The following DLGAP2 variants were observed in gnomAD, a reference collection of about 807,000 sequenced individuals.
DLGAP2 encodes the protein DLG associated protein 2.
A neutral mutation model predicts 100.3 loss-of-function variants in DLGAP2; 26 were observed. The ratio of observed to expected loss-of-function variants is 0.26; its 90% CI spans 0.19 to 0.36. The LOEUF (loss-of-function observed/expected upper bound fraction) is 0.36, where lower values mean the gene tolerates loss of function less well. Among genes scored for constraint, DLGAP2 ranks in the 10% least tolerant of loss-of-function variants. The probability of loss-of-function intolerance (pLI) is 1.00; values close to 1 mark genes in which losing one functional copy is unlikely to be tolerated. For synonymous variants in DLGAP2, 886 were observed against 630.1 expected, an observed-to-expected ratio of 1.41 and a Z score of -6.08; for missense variants, 1,858 against 1,453.2, an observed-to-expected ratio of 1.28 and a Z score of -4.53.
chr8:857,673 A>G (rs972783824), intron 1 of DLGAP2, among the ~76,000 whole-genome samples: 6 of 152,196 alleles, frequency 3.9e-5, no homozygotes, highest in African/African-American at 1.4e-4. Flanking sequence ...CACTGGCAAC[A>G]CCATCAAGTG....
At chr8:1,213,110 G>A (rs1798140469) in intron 2 of DLGAP2, among the ~76,000 whole-genome samples, 1 of 152,082 alleles carries the variant, frequency 6.6e-6, no homozygotes, top group Non-Finnish European at 1.5e-5. Context: ...AAGATCTCCA[G>A]GTTTTCCTAG....
chr8:1,563,910 C>G (rs150733975), intron 5 of DLGAP2, among the ~76,000 whole-genome samples: 34 of 152,220 alleles, frequency 2.2e-4, no homozygotes, highest in African/African-American at 8.2e-4. Flanking sequence ...AGTAGTATAC[C>G]TCAGTAGCTA....
intron 3 of DLGAP2, among the ~76,000 whole-genome samples, chr8:1,269,852 C>G (rs1799543598): frequency 6.6e-6 from 1 of 152,064 alleles, no homozygotes; most frequent in Non-Finnish European, 1.5e-5. Context: ...GCCAGAAGCC[C>G]TGGAACCAAA....
In DLGAP2 at chr8:1,094,063, G is replaced by T. The variant is rs144935985; in HGVS notation, c.74-164788G>T. Among the ~76,000 whole-genome samples, 10 of 152,148 alleles carry T rather than the reference G, an allele frequency of 6.6e-5. No individual in the cohort carries two copies. In the East Asian group the frequency reaches 1.7e-3, roughly 27 times the overall value. On this transcript the variant is annotated intron_variant, in intron 2 of 14. Transcript: ENST00000637795. ...GAGGGCAGCTCCGCGGTGGAGGGAG[G>T]GCAGCTGCGAGGTGGGCGGAGGGCA...
rs1402352678 is a variant in DLGAP2 at position 780,777 on chromosome 8, C to A, written c.18+42952C>A. On this transcript the variant is annotated intron_variant, in intron 1 of 14. Coordinates refer to ENST00000637795, the MANE Select transcript of DLGAP2 (RefSeq NM_001346810.2). The stretch of plus-strand genomic sequence containing the variant: ...TGTCTGGCAGATGTCCAAACCTGTT[C>A]CTGCCGCCTCACCAAAGGCTGGTGC... 3.9e-5 allele frequency among the ~76,000 whole-genome samples: 6 copies of A among 152,350 alleles called. No homozygotes were observed. The South Asian group carries it at 1.2e-3, about 32-fold the overall frequency.
intron 3 of DLGAP2, among the ~76,000 whole-genome samples, chr8:1,372,941 T>A (rs1488192932): frequency 6.6e-6 from 1 of 152,176 alleles, no homozygotes; most frequent in Non-Finnish European, 1.5e-5. Context: ...TGTTATTCCA[T>A]GTGTCAGTGA....
intron 2 of DLGAP2, among the ~76,000 whole-genome samples, chr8:1,223,078 G>A (rs538657279): frequency 6.6e-6 from 1 of 152,254 alleles, no homozygotes; most frequent in Non-Finnish European, 1.5e-5. Flanking sequence ...AGGTCTGTGG[G>A]GGTCATTGAG....
chr8:1,423,492 G>A (rs1390421112), intron 3 of DLGAP2, among the ~76,000 whole-genome samples: 1 of 152,310 alleles, frequency 6.6e-6, no homozygotes, highest in African/African-American at 2.4e-5. Flanking sequence ...ATGCACTTCT[G>A]GCACCAGCTT....
intron 3 of DLGAP2, among the ~76,000 whole-genome samples, chr8:1,375,357 C>A (rs1369042907): frequency 1.9e-5 from 1 of 53,672 alleles, no homozygotes; most frequent in Non-Finnish European, 3.4e-5. Flanking sequence ...CTCTCCACGG[C>A]CTCAGAACTG....
intron 3 of DLGAP2, among the ~76,000 whole-genome samples, chr8:1,468,887 C>T (rs1036444212): frequency 1.4e-4 from 22 of 152,126 alleles, no homozygotes; most frequent in Admixed American, 3.9e-4. Flanking sequence ...ACTCTCTTCC[C>T]GTGTCCATCC....
In DLGAP2 at chr8:1,681,936, C is replaced by G. The variant is rs112267089; in HGVS notation, c.2704+3307C>G. Among the ~76,000 whole-genome samples, 145 of 132,458 alleles carry G rather than the reference C, an allele frequency of 1.1e-3. 1 individual carries two copies. Among genetic ancestry groups the G allele is most frequent in the Middle Eastern group, 3.6e-3 (1 of 278 alleles). The allele number at this position is 132,458 out of a possible 152,430, so 86.9% of individuals were successfully genotyped here. On this transcript the variant is annotated intron_variant, in intron 12 of 14. Transcript: ENST00000637795. ...GGAGTCACGGCCCTCTGACGTTGAA[C>G]GCTCTGCCTTCCCAGCAGTGATCTG...
intron 1 of DLGAP2, among the ~76,000 whole-genome samples, chr8:768,801 A>C (rs1563421447): frequency 6.6e-6 from 1 of 152,052 alleles, no homozygotes; most frequent in Non-Finnish European, 1.5e-5. Context: ...TCCATCGGAA[A>C]ACCTAACATT....
At chr8:1,165,942 A>G (rs1011786224) in intron 2 of DLGAP2, among the ~76,000 whole-genome samples, 1 of 152,070 alleles carries the variant, frequency 6.6e-6, no homozygotes, top group Non-Finnish European at 1.5e-5. Context: ...TTTAACCATT[A>G]TCCAGTTTCT....
intron 1 of DLGAP2, among the ~76,000 whole-genome samples, chr8:872,635 C>G (rs911072676): frequency 1.3e-5 from 2 of 152,170 alleles, no homozygotes; most frequent in African/African-American, 4.8e-5. Flanking sequence ...GGCCTTCTCT[C>G]ACTTCTTAAA....
chr8:1,571,469 T>TG (rs1252776609), intron 6 of DLGAP2, among the ~76,000 whole-genome samples: 11 of 61,204 alleles, frequency 1.8e-4, no homozygotes, highest in East Asian at 1.1e-3. Flanking sequence ...GGGTGAACTG[T>TG]GGGGTGTCTG....
Position 1,253,296 on chromosome 8 carries a change from C to T in DLGAP2, c.74-5555C>T, listed in dbSNP as rs370681688. 2.6e-3 allele frequency among the ~76,000 whole-genome samples: 400 copies of T among 152,266 alleles called. 2 individuals are homozygous for T. The highest frequency in any genetic ancestry group is 8.2e-3 in the African/African-American group (342 of 41,558). On this transcript the variant is annotated intron_variant, in intron 2 of 14. Coordinates refer to ENST00000637795, the MANE Select transcript of DLGAP2 (RefSeq NM_001346810.2). ...CTGTGTGTGCCCTTTCTTCCCGGGG[C>T]TCCAGGAGAGCTGCCAGGGCCCCTT...
At chr8:1,673,290 T>G (rs1798735415) in intron 10 of DLGAP2, among the ~76,000 whole-genome samples, 2 of 152,308 alleles carry the variant, frequency 1.3e-5, no homozygotes, top group South Asian at 4.1e-4. Flanking sequence ...TAGTCAGAAT[T>G]TCCTTTGGAA....
At chr8:1,439,249 C>T (rs1797752883) in intron 3 of DLGAP2, among the ~76,000 whole-genome samples, 1 of 152,174 alleles carries the variant, frequency 6.6e-6, no homozygotes, top group African/African-American at 2.4e-5. Context: ...GACTGAACAG[C>T]ACGTGGCAGC....
At chr8:759,134 GACAGCTTTCCCATTATCAATACCCCCC>G (rs1821002044) in intron 1 of DLGAP2, among the ~76,000 whole-genome samples, 3 of 9,588 alleles carry the variant, frequency 3.1e-4, no homozygotes, top group African/African-American at 1.0e-3. Context: ...CAATACCCCT[GACAGCTTTCCCATTATCAATACCCCCC>G]ACAGCCTTCC....
Sources: gnomAD v4.1 joint callset for allele counts (sites outside exome capture counted in the v4.1 genomes callset) on GRCh38, gnomAD v4.1.1 for gene constraint, MANE v1.5 for transcripts, NCBI Gene and HGNC (gene_info 2026-07-23, HGNC 2026-07-21) for gene names.